The following TMEM131L variants were observed in gnomAD, a reference collection of about 807,000 sequenced individuals.
TMEM131L encodes the protein transmembrane protein 131-like.
TMEM131L carries 54 observed loss-of-function variants against 192.2 expected under a neutral mutation model. The ratio of observed to expected loss-of-function variants is 0.28; its 90% CI spans 0.23 to 0.35. The LOEUF (loss-of-function observed/expected upper bound fraction) is 0.35. TMEM131L is among the 10% of genes least tolerant of loss of function. The pLI, the probability that TMEM131L is intolerant of heterozygous loss-of-function variation, is 1.00. For missense variants in TMEM131L, 1,888 were observed against 1,972.9 expected, an observed-to-expected ratio of 0.96 and a Z score of 0.82; for synonymous variants, 701 against 704.9, an observed-to-expected ratio of 0.99 and a Z score of 0.09.
chr4:153,629,676 C>T (rs905642726), intron 31 of TMEM131L, among the ~76,000 whole-genome samples: 3 of 152,160 alleles, frequency 2.0e-5, no homozygotes, highest in Admixed American at 6.5e-5. Context: ...ACCGTGCTGT[C>T]GGGGTCCCTG....
At chr4:153,594,488 G>A (rs1387192589) in intron 19 of TMEM131L, among the ~76,000 whole-genome samples, 1 of 152,186 alleles carries the variant, frequency 6.6e-6, no homozygotes, top group Non-Finnish European at 1.5e-5. Context: ...ATACAGCTGA[G>A]TGTTGGCCTT....
In TMEM131L at chr4:153,528,423, G is replaced by A. The variant is rs570850387; in HGVS notation, c.240-21650G>A. ...GCGTACCAGTTTTAATATAGAGTGT[G>A]AAGTCTGGTGGCAGTAATGCAGATA... On this transcript the variant is annotated intron_variant, in intron 3 of 34. Transcript: ENST00000409959. Among the ~76,000 whole-genome samples, 15 of 152,308 alleles carry A rather than the reference G, an allele frequency of 9.8e-5. No individual in the cohort carries two copies. In the East Asian group the frequency reaches 2.7e-3, roughly 27 times the overall value.
chr4:153,626,299 T>G (rs1382608164), intron 30 of TMEM131L, 74 bp downstream of exon 30: 1 of 962,764 alleles, frequency 1.0e-6, no homozygotes. Context: ...GTGTTTCTTC[T>G]TTGTACTTGG....
At chr4:153,558,231 G>C (rs751274488) in intron 6 of TMEM131L, 27 bp from the exon 7 acceptor site, 5 of 1,243,392 alleles carry the variant, frequency 4.0e-6, no homozygotes, top group Non-Finnish European at 5.9e-6. Context: ...TCTTAACAGA[G>C]GAGCAATTCT....
intron 10 of TMEM131L, 28 bp from the exon 11 acceptor site, chr4:153,583,536 G>A (rs775624626): frequency 2.3e-5 from 32 of 1,416,682 alleles, no homozygotes; most frequent in Non-Finnish European, 2.9e-5. Context: ...GCTGAGAGTA[G>A]TCACATGGGA....
chr4:153,568,670 TATA>T (rs1188287086), intron 7 of TMEM131L, among the ~76,000 whole-genome samples: 1 of 152,230 alleles, frequency 6.6e-6, no homozygotes, highest in East Asian at 1.9e-4. Context: ...AGGAAAACAT[TATA>T]ATAAGCTATT....
chr4:153,590,545 C>T (rs1730995046), intron 16 of TMEM131L, among the ~76,000 whole-genome samples: 1 of 152,200 alleles, frequency 6.6e-6, no homozygotes, highest in Non-Finnish European at 1.5e-5. Context: ...GCCCTGTTCC[C>T]TAAGGATGTT....
chr4:153,630,453 G>A (rs919952207), intron 31 of TMEM131L, among the ~76,000 whole-genome samples: 4 of 151,970 alleles, frequency 2.6e-5, no homozygotes, highest in African/African-American at 7.3e-5. Context: ...CTCTCCACTT[G>A]GCCAGAGGCA....
intron 30 of TMEM131L, among the ~76,000 whole-genome samples, chr4:153,626,744 A>G (rs1443129650): frequency 1.3e-5 from 2 of 152,346 alleles, no homozygotes; most frequent in East Asian, 3.9e-4. Context: ...TAGCCTGGGT[A>G]ACAGAGCGAG....
Position 153,517,698 on chromosome 4 carries a change from TGAAA to T in TMEM131L, c.240-32368_240-32365del, listed in dbSNP as rs779107199. Among the ~76,000 whole-genome samples the T allele has an allele frequency of 2.0e-5, 3 of 152,338 alleles. No homozygotes were observed. In the East Asian group the frequency reaches 5.8e-4, roughly 29 times the overall value. On this transcript the variant is annotated intron_variant, in intron 3 of 34. Coordinates refer to ENST00000409959, the MANE Select transcript of TMEM131L (RefSeq NM_001131007.2). ...GGGCTCCTGAAAACTATGGTAGCAG[TGAAA>T]GAAAGACTCTTGGAAAATGGTTATG...
At chr4:153,620,596 G>T (rs549027879) in intron 26 of TMEM131L, among the ~76,000 whole-genome samples, 160 bp from the exon 27 acceptor site, 12 of 152,204 alleles carry the variant, frequency 7.9e-5, no homozygotes, top group African/African-American at 2.7e-4. Flanking sequence ...AGTAGCGCAA[G>T]AGGGGAAATG....
At chr4:153,519,260 G>A (rs893315854) in intron 3 of TMEM131L, among the ~76,000 whole-genome samples, 1 of 152,160 alleles carries the variant, frequency 6.6e-6, no homozygotes, top group African/African-American at 2.4e-5. Context: ...CTGATGTCAT[G>A]TGTAAATATT....
chr4:153,633,820 C>CT (rs1384710046), intron 32 of TMEM131L, among the ~76,000 whole-genome samples: 1 of 152,198 alleles, frequency 6.6e-6, no homozygotes, highest in Non-Finnish European at 1.5e-5. Context: ...TGGTCTTGCT[C>CT]TGAGTGGACG....
intron 3 of TMEM131L, among the ~76,000 whole-genome samples, chr4:153,503,645 A>G (rs1370265759): frequency 6.6e-6 from 1 of 152,214 alleles, no homozygotes; most frequent in Non-Finnish European, 1.5e-5. Context: ...TGTGGGTCCT[A>G]CAACTTACTA....
chr4:153,505,573 T>C (rs908645022), intron 3 of TMEM131L, among the ~76,000 whole-genome samples: 2 of 152,194 alleles, frequency 1.3e-5, no homozygotes, highest in Non-Finnish European at 2.9e-5. Context: ...GAAACATAAT[T>C]CAGCCCATAA....
At chr4:153,590,189 A>G (rs770164677) in intron 16 of TMEM131L, among the ~76,000 whole-genome samples, 2 of 152,184 alleles carry the variant, frequency 1.3e-5, no homozygotes, top group African/African-American at 2.4e-5. Flanking sequence ...TCTTTAGACT[A>G]GTGTTCCTAC....
chr4:153,605,892 G>C (rs1732197829), intron 25 of TMEM131L, among the ~76,000 whole-genome samples: 4 of 152,342 alleles, frequency 2.6e-5, no homozygotes. Flanking sequence ...AGTCCTCTGA[G>C]GGGAATGTGG....
intron 19 of TMEM131L, among the ~76,000 whole-genome samples, chr4:153,595,283 A>G (rs1731349909): frequency 6.6e-6 from 1 of 152,152 alleles, no homozygotes; most frequent in African/African-American, 2.4e-5. Flanking sequence ...GGAGTTTTTT[A>G]TATACCCTAA....
chr4:153,602,220 C>G lies in TMEM131L; in HGVS notation c.2335C>G (p.Pro779Ala), dbSNP rs772725875. 6.2e-7 allele frequency: 1 copy of G among 1,613,100 alleles called. No homozygotes were observed. Among genetic ancestry groups the G allele is most frequent in the East Asian group, 2.2e-5 (1 of 44,858 alleles). Residue 779 changes from proline (P) to alanine (A), a missense_variant, in exon 22 of 35, where the codon CCT (proline) becomes GCT (alanine). Physicochemically the swap from Pro to Ala is conservative, Grantham distance 27. Coordinates refer to ENST00000409959, the MANE Select transcript of TMEM131L (RefSeq NM_001131007.2). ...NFKVENIGPL[P>A]ITVSSLKING... is the part of the protein sequence containing the mutation. ...TAAAGTTGAGAATATTGGACCTCTT[C>G]CTATAACTGTTTCGTCTCTGAAAAT...
Sources: allele counts gnomAD v4.1 joint callset (sites outside exome capture counted in the v4.1 genomes callset), GRCh38; gene constraint gnomAD v4.1.1; transcripts MANE v1.5; gene names NCBI Gene and HGNC (gene_info 2026-07-23, HGNC 2026-07-21).